Variants in RSU1 observed in about 807,000 individuals in gnomAD.
RSU1 encodes Ras suppressor protein 1.
A neutral mutation model predicts 31.1 loss-of-function variants in RSU1; 26 were observed. The observed-to-expected ratio is 0.84, with a 90% CI of 0.61 to 1.16. RSU1 has a LOEUF of 1.16. RSU1 is among the 50% of genes most tolerant of loss of function. The pLI is 0.00. For synonymous variants in RSU1, 164 were observed against 136.3 expected (o/e 1.20, Z -1.41); for missense variants, 320 against 339.1 (o/e 0.94, Z 0.44).
intron 7 of RSU1, among the ~76,000 whole-genome samples, chr10:16,719,522 G>A (rs76800696): frequency 2.6e-5 from 4 of 152,110 alleles, no homozygotes; most frequent in Non-Finnish European, 2.9e-5. Context: ...CTTCAGAGAC[G>A]CCTCCTGGAT....
chr10:16,688,316 G>C (rs563879511), intron 8 of RSU1, among the ~76,000 whole-genome samples: 2 of 152,068 alleles, frequency 1.3e-5, no homozygotes, highest in Non-Finnish European at 2.9e-5. Flanking sequence ...CTTTAAAAAA[G>C]AAAATATAGG....
chr10:16,698,333 C>A (rs1344164704), intron 7 of RSU1, among the ~76,000 whole-genome samples: 1 of 152,076 alleles, frequency 6.6e-6, no homozygotes, highest in East Asian at 1.9e-4. Context: ...TTAAAGACCC[C>A]TCCTTGAACT....
chr10:16,701,002 G>C (rs1312407858), intron 7 of RSU1, among the ~76,000 whole-genome samples: 1 of 152,106 alleles, frequency 6.6e-6, no homozygotes, highest in Admixed American at 6.5e-5. Context: ...AGAAGAAAAG[G>C]ATAATATTAA....
At chr10:16,635,233 A>G (rs896362267) in intron 8 of RSU1, among the ~76,000 whole-genome samples, 3 of 152,260 alleles carry the variant, frequency 2.0e-5, no homozygotes, top group African/African-American at 7.2e-5. Context: ...AGCAATGAGA[A>G]GAGAAACTTC....
At chr10:16,669,407 T>C (rs1416639417) in intron 8 of RSU1, among the ~76,000 whole-genome samples, 1 of 151,946 alleles carries the variant, frequency 6.6e-6, no homozygotes, top group Non-Finnish European at 1.5e-5. Context: ...TTTTTAACCA[T>C]TTTTCATTAA....
chr10:16,652,527 C>G (rs1383319697), intron 8 of RSU1, among the ~76,000 whole-genome samples: 1 of 151,542 alleles, frequency 6.6e-6, no homozygotes, highest in Non-Finnish European at 1.5e-5. Context: ...ACACGTTTGT[C>G]AAAACTCAGG....
intron 2 of RSU1, among the ~76,000 whole-genome samples, chr10:16,791,389 T>A (rs938699213): frequency 2.0e-5 from 3 of 152,074 alleles, no homozygotes; most frequent in Admixed American, 1.3e-4. Context: ...ATCCCAGCAC[T>A]TTCGGAGGCC....
chr10:16,775,102 T>G (rs1837499712), intron 3 of RSU1, among the ~76,000 whole-genome samples: 1 of 152,178 alleles, frequency 6.6e-6, no homozygotes, highest in African/African-American at 2.4e-5. Context: ...ACCTAAGTAT[T>G]GCACCTCTTA....
chr10:16,735,394 T>A (rs1202568132), intron 7 of RSU1, among the ~76,000 whole-genome samples: 1 of 152,204 alleles, frequency 6.6e-6, no homozygotes, highest in East Asian at 1.9e-4. Flanking sequence ...CTGGCGGTTG[T>A]GTAAATGGGT....
intron 8 of RSU1, among the ~76,000 whole-genome samples, chr10:16,672,026 C>G (rs1401569339): frequency 1.3e-5 from 2 of 148,858 alleles, no homozygotes; most frequent in African/African-American, 4.9e-5. Context: ...TGGCCAGACG[C>G]GGTGGCTCAT....
At chr10:16,685,630 C>T (rs1835427038) in intron 8 of RSU1, among the ~76,000 whole-genome samples, 1 of 149,424 alleles carries the variant, frequency 6.7e-6, no homozygotes, top group African/African-American at 2.6e-5. Flanking sequence ...TTACTCTCAT[C>T]GCCATCTTGG....
At chr10:16,727,282 G>C (rs1328266118) in intron 7 of RSU1, 1 of 343,868 alleles carries the variant, frequency 2.9e-6, no homozygotes, top group Non-Finnish European at 6.0e-6. Context: ...GAGGCAAATG[G>C]ACACAAATCC....
At chr10:16,797,205 C>T (rs192074590) in intron 2 of RSU1, among the ~76,000 whole-genome samples, 36 of 152,238 alleles carry the variant, frequency 2.4e-4, no homozygotes, top group African/African-American at 8.7e-4. Context: ...ATAATAGAGA[C>T]CAATGATAGA....
intron 8 of RSU1, among the ~76,000 whole-genome samples, chr10:16,674,894 G>A (rs1012905227): frequency 5.3e-5 from 8 of 152,182 alleles, no homozygotes; most frequent in East Asian, 1.9e-4. Flanking sequence ...TTAGCCAGGC[G>A]TGGTGGCACA....
chr10:16,599,280 G>C (rs1468886199), intron 8 of RSU1, among the ~76,000 whole-genome samples: 1 of 152,204 alleles, frequency 6.6e-6, no homozygotes, highest in Non-Finnish European at 1.5e-5. Context: ...CTGACCTCTT[G>C]TAACTTGTAC....
rs1588490316 is a variant in RSU1 at position 16,718,051 on chromosome 10, C to T, written c.599-22896G>A. Among the ~76,000 whole-genome samples the T allele has an allele frequency of 2.2e-5, 3 of 139,088 alleles. No individual in the cohort carries two copies. The South Asian group carries it at 6.8e-4, about 32-fold the overall frequency. 91.2% of individuals were successfully genotyped at this position (139,088 alleles called of 152,430 possible). On this transcript the variant is annotated intron_variant, in intron 7 of 8. Coordinates refer to ENST00000345264, the MANE Select transcript of RSU1 (RefSeq NM_012425.4). ...CAAGAAAGAAAACAATCAACAAACA[C>T]AAAGTCATTTTCAAATGTGAAGGTG...
intron 8 of RSU1, among the ~76,000 whole-genome samples, chr10:16,640,276 C>T (rs1178177147): frequency 1.3e-5 from 2 of 152,032 alleles, no homozygotes; most frequent in African/African-American, 2.4e-5. Context: ...CTTGATATTT[C>T]ACACCTCCTC....
chr10:16,688,603 C>T lies in RSU1; in HGVS notation c.731+6420G>A, dbSNP rs529055257. 2.6e-5 allele frequency among the ~76,000 whole-genome samples: 4 copies of T among 151,840 alleles called. 1 individual carries two copies. Among genetic ancestry groups the T allele is most frequent in the South Asian group, 4.2e-4 (2 of 4,810 alleles). On this transcript the variant is annotated intron_variant, in intron 8 of 8. Coordinates refer to ENST00000345264, the MANE Select transcript of RSU1 (RefSeq NM_012425.4). The stretch of plus-strand genomic sequence containing the variant: ...CAGCTTCGGCGACAGAGCGAGACTC[C>T]GTCTCAAAAAAAGAAAAAATAATAC...
chr10:16,716,959 T>C lies in RSU1; in HGVS notation c.599-21804A>G, dbSNP rs1029410087. 2.6e-5 allele frequency among the ~76,000 whole-genome samples: 4 copies of C among 152,154 alleles called. No homozygotes were observed. The East Asian group carries it at 7.7e-4, about 29-fold the overall frequency. ...ACCTCAAACCCTGTTGCTAAAAAAG[T>C]ATGGGAATTTTTTCAGCCAATAGGA... On this transcript the variant is annotated intron_variant, in intron 7 of 8. Transcript: ENST00000345264.
Sources: allele counts gnomAD v4.1 joint callset (sites outside exome capture counted in the v4.1 genomes callset), GRCh38; gene constraint gnomAD v4.1.1; transcripts MANE v1.5; gene names NCBI Gene and HGNC (gene_info 2026-07-23, HGNC 2026-07-21).